MICU2: variants seen among roughly 807,000 people sequenced by gnomAD.
MICU2 encodes calcium uptake protein 2, mitochondrial.
Under a neutral mutation model 60.4 loss-of-function variants are expected in MICU2, and 64 were observed. The ratio of observed to expected loss-of-function variants is 1.06; its 90% CI spans 0.87 to 1.31. The LOEUF (loss-of-function observed/expected upper bound fraction) is 1.31, where lower values mean the gene tolerates loss of function less well. Ranked by LOEUF, MICU2 falls within the 50% of genes most tolerant of loss-of-function variation. MICU2 has a pLI of 0.00. For missense variants in MICU2, 569 were observed against 531.0 expected (o/e 1.07, Z -0.70); for synonymous variants, 201 against 175.0 (o/e 1.15, Z -1.17).
intron 4 of MICU2, among the ~76,000 whole-genome samples, chr13:21,538,871 T>G (rs1018299714): frequency 4.6e-5 from 7 of 152,126 alleles, no homozygotes; most frequent in African/African-American, 1.7e-4. Flanking sequence ...TAGAGGATAC[T>G]TCTCAGTCCT....
chr13:21,565,439 C>G (rs916239630), intron 2 of MICU2, among the ~76,000 whole-genome samples: 1 of 152,054 alleles, frequency 6.6e-6, no homozygotes, highest in African/African-American at 2.4e-5. Context: ...GGGTGGATCA[C>G]GAGATCAGGG....
intron 8 of MICU2, among the ~76,000 whole-genome samples, chr13:21,509,244 A>T (rs540982805): frequency 6.6e-6 from 1 of 152,358 alleles, no homozygotes; most frequent in South Asian, 2.1e-4. Context: ...TAATGTTTAT[A>T]ATAATCATAT....
intron 4 of MICU2, among the ~76,000 whole-genome samples, chr13:21,526,251 GC>G (rs1886853523): frequency 6.6e-6 from 1 of 151,468 alleles, no homozygotes; most frequent in Non-Finnish European, 1.5e-5. Context: ...ACTGTGCCCA[GC>G]TTTCCTGTCT....
At chr13:21,573,352 C>A (rs182601192) in intron 1 of MICU2, among the ~76,000 whole-genome samples, 52 of 152,218 alleles carry the variant, frequency 3.4e-4, no homozygotes, top group Admixed American at 1.1e-3. Flanking sequence ...CGGCTCACTG[C>A]AAGCTCCGCC....
rs1463839295 is a variant in MICU2 at position 21,492,696 on chromosome 13, T to G, written c.*553A>C. ...AAATAAAAAGCACCTCAGTATTTTT[T>G]GTATCTATGTAAATATTTTATTCTG... On this transcript the variant is annotated 3_prime_UTR_variant, in exon 12 of 12. Transcript: ENST00000382374. 6.6e-6 allele frequency: 1 copy of G among 152,378 alleles called. No individual in the cohort carries two copies. Among genetic ancestry groups the G allele is most frequent in the Non-Finnish European group, 1.5e-5 (1 of 68,044 alleles). 9.4% of individuals were successfully genotyped at this position (152,378 alleles called of 1,614,324 possible).
In MICU2 at chr13:21,521,230, T is replaced by G. The variant is rs185612264; in HGVS notation, c.597+15A>C. ...GTATTTTATGATAAACCTAAAATAA[T>G]TAGCGTCCACTTACCTTAAAAAATT... On this transcript the variant is annotated intron_variant, in intron 6 of 11. Coordinates refer to ENST00000382374, the MANE Select transcript of MICU2 (RefSeq NM_152726.3). 957 of 1,564,888 alleles carry G rather than the reference T, an allele frequency of 6.1e-4. No individual in the cohort carries two copies. Among genetic ancestry groups the G allele is most frequent in the Non-Finnish European group, 6.4e-4 (739 of 1,151,452 alleles).
intron 2 of MICU2, among the ~76,000 whole-genome samples, chr13:21,558,258 T>A (rs1185565352): frequency 6.6e-6 from 1 of 152,190 alleles, no homozygotes; most frequent in Non-Finnish European, 1.5e-5. Flanking sequence ...CACCCTGGGA[T>A]GAGAGTAATT....
At chr13:21,494,018 A>G (rs1885927927) in intron 11 of MICU2, among the ~76,000 whole-genome samples, 1 of 152,122 alleles carries the variant, frequency 6.6e-6, no homozygotes, top group African/African-American at 2.4e-5. Flanking sequence ...TTTTCTTATG[A>G]CTGATTTACA....
At chr13:21,503,178 T>C in intron 8 of MICU2, 81 bp from the exon 9 acceptor site, 1 of 1,000,564 alleles carries the variant, frequency 1.0e-6, no homozygotes, top group South Asian at 1.6e-5. Flanking sequence ...CAAAGTACCT[T>C]CACTATTACC....
At chr13:21,586,370 T>A (rs1458094544) in intron 1 of MICU2, among the ~76,000 whole-genome samples, 2 of 152,178 alleles carry the variant, frequency 1.3e-5, no homozygotes, top group Non-Finnish European at 2.9e-5. Context: ...AGAAAAAATA[T>A]CCCTGCTGCT....
intron 2 of MICU2, among the ~76,000 whole-genome samples, chr13:21,550,211 G>C (rs1887520981): frequency 6.6e-6 from 1 of 152,046 alleles, no homozygotes; most frequent in Non-Finnish European, 1.5e-5. Context: ...TTAACTTTTG[G>C]TTTGCAGTTT....
intron 1 of MICU2, among the ~76,000 whole-genome samples, chr13:21,588,352 G>C (rs1888503321): frequency 6.6e-6 from 1 of 152,186 alleles, no homozygotes; most frequent in Non-Finnish European, 1.5e-5. Context: ...TTTCCACTAA[G>C]GTGGTCCTCC....
intron 9 of MICU2, among the ~76,000 whole-genome samples, chr13:21,502,411 T>C (rs550322018): frequency 6.6e-6 from 1 of 152,310 alleles, no homozygotes; most frequent in South Asian, 2.1e-4. Flanking sequence ...ATCTCGTATA[T>C]ATATACACAC....
chr13:21,531,007 A>T, intron 4 of MICU2: 1 of 811,948 alleles, frequency 1.2e-6, no homozygotes, highest in Admixed American at 1.7e-5. Context: ...CCACATAATG[A>T]AAGTGCCTGC....
At position 21,517,544 on chromosome 13, in the gene MICU2, C is replaced by G. The variant is rs530099062; in HGVS notation, c.598-3126G>C. Among the ~76,000 whole-genome samples, 181 of 152,048 alleles carry G rather than the reference C, an allele frequency of 1.2e-3. 1 individual carries two copies. The highest frequency in any genetic ancestry group is 2.3e-3 in the Non-Finnish European group (157 of 67,950). ...TAATCCCAGCACTTTGGGAGGCTGA[C>G]GCGGGTGGATCACCTGAGGTCAGGA... On this transcript the variant is annotated intron_variant, in intron 6 of 11. Transcript: ENST00000382374.
Position 21,506,351 on chromosome 13 carries a change from C to T in MICU2, c.762-3254G>A, listed in dbSNP as rs1886292164. ...TTGTTAATTGCTTTCCACTTTCTCA[C>T]CCACAACCTCAGCTCTAATGGGCTG... On this transcript the variant is annotated intron_variant, in intron 8 of 11. Coordinates refer to ENST00000382374, the MANE Select transcript of MICU2 (RefSeq NM_152726.3). Among the ~76,000 whole-genome samples, 2 of 152,186 alleles carry T rather than the reference C, an allele frequency of 1.3e-5. 1 individual carries two copies. The highest frequency in any genetic ancestry group is 4.1e-4 in the South Asian group (2 of 4,834).
rs571608667 is a variant in MICU2, at chr13:21,586,013, C to T, written c.210+17926G>A. 2.7e-4 allele frequency among the ~76,000 whole-genome samples: 41 copies of T among 152,198 alleles called. No homozygotes were observed. The South Asian group carries it at 8.3e-3, about 31-fold the overall frequency. The stretch of plus-strand genomic sequence containing the variant: ...ATGAAAAAACATTTTTTAGATAATA[C>T]TTTACAGCAACATTAAAAAACCCCA... On this transcript the variant is annotated intron_variant, in intron 1 of 11. Coordinates refer to ENST00000382374, the MANE Select transcript of MICU2 (RefSeq NM_152726.3).
chr13:21,587,327 T>C (rs149132847), intron 1 of MICU2, among the ~76,000 whole-genome samples: 2 of 152,270 alleles, frequency 1.3e-5, no homozygotes, highest in African/African-American at 4.8e-5. Flanking sequence ...TATTAATGAG[T>C]ATAAAGTACT....
chr13:21,501,781 CCTT>C (rs902280749), intron 9 of MICU2, among the ~76,000 whole-genome samples: 67 of 152,332 alleles, frequency 4.4e-4, no homozygotes, highest in African/African-American at 1.2e-3. Flanking sequence ...TGACTCCCCT[CCTT>C]CTTTTCCTGC....
Sources: gnomAD v4.1 joint callset for allele counts (sites outside exome capture counted in the v4.1 genomes callset) on GRCh38, gnomAD v4.1.1 for gene constraint, MANE v1.5 for transcripts, NCBI Gene and HGNC (gene_info 2026-07-23, HGNC 2026-07-21) for gene names.